SAMD4B: variants seen among roughly 807,000 people sequenced by gnomAD.
SAMD4B encodes sterile alpha motif domain containing 4B.
A neutral mutation model predicts 74.5 loss-of-function variants in SAMD4B; 5 were observed. The ratio of observed to expected loss-of-function variants is 0.07; its 90% CI spans 0.04 to 0.14. SAMD4B has a LOEUF of 0.14. SAMD4B is among the 10% of genes least tolerant of loss of function. The pLI is 1.00. For synonymous variants in SAMD4B, 373 were observed against 374.9 expected (o/e 1.00, Z 0.06); for missense variants, 608 against 921.8 (o/e 0.66, Z 4.41).
chr19:39,362,849 T>G (rs910414780), intron 3 of SAMD4B, among the ~76,000 whole-genome samples: 2 of 152,068 alleles, frequency 1.3e-5, no homozygotes, highest in African/African-American at 4.8e-5. Context: ...CTCTGGCTCA[T>G]TCAGTCTGGG....
chr19:39,384,753 C>T lies in SAMD4B; in HGVS notation c.*1226C>T, dbSNP rs1429933838. 1 of 152,524 alleles carries T rather than the reference C, an allele frequency of 6.6e-6. No homozygotes were observed. The highest frequency in any genetic ancestry group is 1.5e-5 in the Non-Finnish European group (1 of 68,018). 9.4% of individuals were successfully genotyped at this position (152,524 alleles called of 1,614,324 possible). ...TTCAACGCCCTCCTCCCCCTCAACC[C>T]ACCTTCCCAACTGGGACATTCTCAA... On this transcript the variant is annotated 3_prime_UTR_variant, in exon 14 of 14. Coordinates refer to ENST00000610417, the MANE Select transcript of SAMD4B (RefSeq NM_001384574.2).
downstream of SAMD4B, chr19:39,386,517 T>A: frequency 6.2e-7 from 1 of 1,614,126 alleles, no homozygotes; most frequent in African/African-American, 1.3e-5. This position sits in a 1 kb window ranked among gnomAD's most constrained non-coding sequence, Gnocchi z 6.1. Context: ...TGTCTCCATC[T>A]CCTCTTCCTC....
chr19:39,385,882 G>A (rs2078235260), downstream of SAMD4B: 2 of 1,492,162 alleles, frequency 1.3e-6, no homozygotes, highest in Non-Finnish European at 9.0e-7. Flanking sequence ...TAACAGCAAA[G>A]GTTTGGGGGT....
At chr19:39,347,367 T>G (rs1301859695) in intron 1 of SAMD4B, among the ~76,000 whole-genome samples, 2 of 152,210 alleles carry the variant, frequency 1.3e-5, no homozygotes, top group Admixed American at 6.5e-5. Context: ...CTTAGAAACA[T>G]ATTTTGGGTT....
intron 3 of SAMD4B, among the ~76,000 whole-genome samples, chr19:39,366,731 T>C (rs545685035): frequency 6.6e-6 from 1 of 152,146 alleles, no homozygotes; most frequent in African/African-American, 2.4e-5. Flanking sequence ...CATCCTTCAG[T>C]GTGGGCAGAG....
At chr19:39,343,038 C>T (rs1179011720) in intron 1 of SAMD4B, among the ~76,000 whole-genome samples, 1 of 152,022 alleles carries the variant, frequency 6.6e-6, no homozygotes, top group Non-Finnish European at 1.5e-5. Context: ...CCCCCGTCCT[C>T]CTCCTGTCTC....
At position 39,383,813 on chromosome 19, in the gene SAMD4B, C is replaced by G; in HGVS notation, c.*286C>G. On this transcript the variant is annotated 3_prime_UTR_variant, in exon 14 of 14. Coordinates refer to ENST00000610417, the MANE Select transcript of SAMD4B (RefSeq NM_001384574.2). This position sits in a 1 kb window ranked among gnomAD's most constrained non-coding sequence, Gnocchi z 4.1. Reference sequence around the variant, plus strand: ...GCCTCTCTCCTTTCCTTCCTCATCCCCACCTGGTCCCATCCCACCCCTGCC... The same window carrying G: ...GCCTCTCTCCTTTCCTTCCTCATCCGCACCTGGTCCCATCCCACCCCTGCC... 1 of 1,157,826 alleles carries G rather than the reference C, an allele frequency of 8.6e-7. No homozygotes were observed. Among genetic ancestry groups the G allele is most frequent in the South Asian group, 1.4e-5 (1 of 70,398 alleles). 71.7% of individuals were successfully genotyped at this position (1,157,826 alleles called of 1,614,324 possible).
chr19:39,354,454 G>A (rs1200631954), intron 2 of SAMD4B, among the ~76,000 whole-genome samples: 2 of 151,790 alleles, frequency 1.3e-5, no homozygotes, highest in Non-Finnish European at 2.9e-5. Flanking sequence ...TTCCCCCCTA[G>A]GGCTATAGAA....
In SAMD4B at chr19:39,385,289, G is replaced by A. The variant is rs1715972924; in HGVS notation, c.*1762G>A. ...GGCCACCTCGTTTGGAATCAGCAGGGTGTCCCTCTCATGGGACCCTCCCCT... is the reference window on the plus strand; with the variant it reads ...GGCCACCTCGTTTGGAATCAGCAGGATGTCCCTCTCATGGGACCCTCCCCT... On this transcript the variant is annotated 3_prime_UTR_variant, in exon 14 of 14. Transcript: ENST00000610417. 2.7e-6 allele frequency: 1 copy of A among 364,524 alleles called. No homozygotes were observed. Among genetic ancestry groups the A allele is most frequent in the African/African-American group, 2.1e-5 (1 of 47,854 alleles). The allele number at this position is 364,524 out of a possible 1,614,324, so 22.6% of individuals were successfully genotyped here.
rs756534530 is a variant in SAMD4B at position 39,378,478 on chromosome 19, T to A, written c.1445-26T>A. 6.2e-7 allele frequency: 1 copy of A among 1,608,142 alleles called. No homozygotes were observed. Among genetic ancestry groups the A allele is most frequent in the Non-Finnish European group, 8.5e-7 (1 of 1,175,102 alleles). On this transcript the variant is annotated intron_variant, in intron 8 of 13. Coordinates refer to ENST00000610417, the MANE Select transcript of SAMD4B (RefSeq NM_001384574.2). The surrounding 1 kb of genome is among the most constrained non-coding windows in gnomAD (Gnocchi z 4.4). ...GCAGAGGGCATACTAGGGGTTAACC[T>A]CCTGCCCTTTCTCATGTCCCCCCAG...
chr19:39,386,956 C>T (rs1203368855), downstream of SAMD4B, among the ~76,000 whole-genome samples: 14 of 152,182 alleles, frequency 9.2e-5, no homozygotes, highest in Non-Finnish European at 1.5e-5. This position sits in a 1 kb window ranked among gnomAD's most constrained non-coding sequence, Gnocchi z 6.1. Context: ...GGCAGCTAAG[C>T]TCAAGGTATT....
At chr19:39,369,431 T>G in intron 3 of SAMD4B, 1 of 559,470 alleles carries the variant, frequency 1.8e-6, no homozygotes, top group Non-Finnish European at 3.2e-6. Flanking sequence ...CTGGGCAACA[T>G]AGTGAGACCC....
At chr19:39,368,031 G>A (rs1431504125) in intron 3 of SAMD4B, among the ~76,000 whole-genome samples, 1 of 151,692 alleles carries the variant, frequency 6.6e-6, no homozygotes, top group African/African-American at 2.4e-5. Flanking sequence ...TGGCTAATGC[G>A]GTGAAACCCT....
At chr19:39,361,682 C>T (rs531464364) in intron 3 of SAMD4B, among the ~76,000 whole-genome samples, 6 of 145,894 alleles carry the variant, frequency 4.1e-5, no homozygotes, top group African/African-American at 1.0e-4. Flanking sequence ...CCAGCACTTT[C>T]GGAGGCCGAG....
At chr19:39,361,230 G>GA (rs990351540) in intron 3 of SAMD4B, among the ~76,000 whole-genome samples, 93 of 152,268 alleles carry the variant, frequency 6.1e-4, no homozygotes, top group African/African-American at 2.2e-3. Flanking sequence ...GGACCAGTTA[G>GA]AAAATCTTCC....
At chr19:39,345,582 C>A (rs752155711) in intron 1 of SAMD4B, among the ~76,000 whole-genome samples, 6 of 152,148 alleles carry the variant, frequency 3.9e-5, no homozygotes, top group Non-Finnish European at 8.8e-5. Flanking sequence ...TGCCAAGACC[C>A]CTCCACCTCC....
intron 4 of SAMD4B, among the ~76,000 whole-genome samples, chr19:39,373,511 G>A (rs1274009169): frequency 1.4e-5 from 2 of 145,714 alleles, no homozygotes; most frequent in East Asian, 2.0e-4. Flanking sequence ...GGCAGCAAGC[G>A]CCAGGCCTGA....
chr19:39,377,734 G>T lies in SAMD4B; in HGVS notation c.1354G>T (p.Ala452Ser), dbSNP rs750167797. The T allele has an allele frequency of 3.7e-6, 6 of 1,614,200 alleles. No individual in the cohort carries two copies. In the Admixed American group the frequency reaches 8.3e-5, roughly 22 times the overall value. The change falls in exon 8 of 14, where the codon GCT becomes TCT. Residue 452 changes from alanine to serine, a missense_variant. This residue lies in a region of SAMD4B where 99 missense variants were observed against 112.1 expected (regional missense o/e 0.88). Coordinates refer to ENST00000610417, the MANE Select transcript of SAMD4B (RefSeq NM_001384574.2). ...TGTGGAGAACTACCCACCTCCACCA[G>T]CTCCAGCTCCCACTGATGGCAGTGA... ...PAVENYPPPPAPAPTDGSEPA... is the reference protein window; with the variant it reads ...PAVENYPPPPSPAPTDGSEPA...
downstream of SAMD4B, chr19:39,389,858 A>G: frequency 6.6e-7 from 1 of 1,518,000 alleles, no homozygotes; most frequent in Non-Finnish European, 9.1e-7. The surrounding 1 kb of genome is among the most constrained non-coding windows in gnomAD (Gnocchi z 5.3). Context: ...AGGAACTCAG[A>G]ATGAAGTGTC....
Sources: gnomAD v4.1 joint callset for allele counts (sites outside exome capture counted in the v4.1 genomes callset) on GRCh38, gnomAD v4.1.1 for gene constraint, gnomAD v4.1.1 regional missense constraint, Gnocchi (gnomAD v3.1) non-coding constraint, MANE v1.5 for transcripts, NCBI Gene and HGNC (gene_info 2026-07-23, HGNC 2026-07-21) for gene names.